Variants in LRRIQ1 observed in about 807,000 individuals in gnomAD.
LRRIQ1 encodes the protein leucine rich repeats and IQ motif containing 1, also known as leucine-rich repeat- and IQ domain-containing protein 1.
LRRIQ1 carries 210 observed loss-of-function variants against 211.9 expected under a neutral mutation model. The ratio of observed to expected loss-of-function variants is 0.99; its 90% CI spans 0.89 to 1.11. The LOEUF is 1.11. Ranked by LOEUF, LRRIQ1 falls within the 50% of genes most tolerant of loss-of-function variation. LRRIQ1 has a pLI of 0.00. For missense variants in LRRIQ1, 2,136 were observed against 1,939.5 expected (o/e 1.10, Z -1.90); for synonymous variants, 699 against 650.1 (o/e 1.08, Z -1.14).
intron 11 of LRRIQ1, among the ~76,000 whole-genome samples, chr12:85,079,816 T>C (rs1884078433): frequency 6.6e-6 from 1 of 152,158 alleles, no homozygotes; most frequent in South Asian, 2.1e-4. Flanking sequence ...ATTATTTCAT[T>C]TTTTCCTCTT....
chr12:85,144,034 G>T lies in LRRIQ1; in HGVS notation c.4329+6065G>T, dbSNP rs1465124460. ...CATCCAGGTAGTAAGCATGGTACCTGACAACTAGTTTATTGATCCTCACCT... is the reference window on the plus strand; with the variant it reads ...CATCCAGGTAGTAAGCATGGTACCTTACAACTAGTTTATTGATCCTCACCT... On this transcript the variant is annotated intron_variant, in intron 19 of 26. Transcript: ENST00000393217. 2.0e-5 allele frequency among the ~76,000 whole-genome samples: 3 copies of T among 151,598 alleles called. No individual in the cohort carries two copies. In the East Asian group the frequency reaches 5.8e-4, roughly 30 times the overall value.
rs1207802862 is a variant in LRRIQ1 at position 85,124,538 on chromosome 12, G to A, written c.4007+19G>A. The A allele has an allele frequency of 3.9e-6, 6 of 1,555,900 alleles. No homozygotes were observed. The African/African-American group carries it at 8.2e-5, about 21-fold the overall frequency. ...AAAAAATGTAAGATATATAAATAAT[G>A]TTTCTTTTATAGATGTATGTTTACT... is the stretch of plus-strand genomic sequence containing the variant. On this transcript the variant is annotated intron_variant, in intron 17 of 26. Coordinates refer to ENST00000393217, the MANE Select transcript of LRRIQ1 (RefSeq NM_001079910.2).
chr12:85,117,842 A>G (rs1887692674), intron 15 of LRRIQ1, among the ~76,000 whole-genome samples: 1 of 152,206 alleles, frequency 6.6e-6, no homozygotes. Flanking sequence ...AATCATAACT[A>G]AGTAAGTTAT....
At chr12:85,202,831 T>C (rs1211017822) in intron 24 of LRRIQ1, among the ~76,000 whole-genome samples, 2 of 152,220 alleles carry the variant, frequency 1.3e-5, no homozygotes, top group East Asian at 3.9e-4. Context: ...TTTCATGTTG[T>C]TAGCTGGTTA....
At chr12:85,179,625 A>G (rs911274406) in intron 24 of LRRIQ1, among the ~76,000 whole-genome samples, 5 of 151,998 alleles carry the variant, frequency 3.3e-5, no homozygotes, top group Non-Finnish European at 7.4e-5. Flanking sequence ...AAAATAGTTC[A>G]GTATATCCCC....
intron 24 of LRRIQ1, among the ~76,000 whole-genome samples, chr12:85,219,230 A>G (rs1894291301): frequency 6.6e-6 from 1 of 152,152 alleles, no homozygotes; most frequent in Admixed American, 6.6e-5. Context: ...TAGTGAGGAA[A>G]TACAGCCCAG....
chr12:85,108,597 A>T lies in LRRIQ1; in HGVS notation c.3377+1982A>T, dbSNP rs1193234610. On this transcript the variant is annotated intron_variant, in intron 15 of 26. Coordinates refer to ENST00000393217, the MANE Select transcript of LRRIQ1 (RefSeq NM_001079910.2). ...GTTTAAGTGAATTACCTCCCAGAAT[A>T]CTGAGAGAATTTGCATATGTCCACT... 2.6e-5 allele frequency among the ~76,000 whole-genome samples: 4 copies of T among 152,152 alleles called. No individual in the cohort carries two copies. In the East Asian group the frequency reaches 5.8e-4, roughly 22 times the overall value.
chr12:85,200,243 T>G (rs1174480034), intron 24 of LRRIQ1, among the ~76,000 whole-genome samples: 1 of 152,190 alleles, frequency 6.6e-6, no homozygotes, highest in South Asian at 2.1e-4. Flanking sequence ...TGAGTAGGAT[T>G]GCATTATTGA....
Position 85,223,567 on chromosome 12 carries a change from T to G in LRRIQ1, c.4823-5950T>G, listed in dbSNP as rs188377461. 3.4e-4 allele frequency among the ~76,000 whole-genome samples: 52 copies of G among 152,292 alleles called. No homozygotes were observed. The East Asian group carries it at 5.6e-3, about 16-fold the overall frequency. On this transcript the variant is annotated intron_variant, in intron 24 of 26. Transcript: ENST00000393217. ...TTTGTCCCTGAAATCCTCTTATATC[T>G]CATGCAGTTTATAGAATTGGGAAAT...
At position 85,055,756 on chromosome 12, in the gene LRRIQ1, G is replaced by T. The variant is rs1001338264; in HGVS notation, c.963G>T (p.Trp321Cys). 1.2e-6 allele frequency: 2 copies of T among 1,608,786 alleles called. No homozygotes were observed. Among genetic ancestry groups the T allele is most frequent in the African/African-American group, 2.7e-5 (2 of 74,604 alleles). Reference protein sequence around the residue: ...IESKKRKAQEWKEKEAKIRQK... With the variant: ...IESKKRKAQECKEKEAKIRQK... ...GTAAGAAAAGGAAAGCACAAGAGTG[G>T]AAGGAAAAGGAAGCAAAAATACGAC... Residue 321 changes from tryptophan to cysteine, a missense_variant, in exon 8 of 27, where the codon TGG (tryptophan) becomes TGT (cysteine). Coordinates refer to ENST00000393217, the MANE Select transcript of LRRIQ1 (RefSeq NM_001079910.2).
chr12:85,128,057 A>C, intron 18 of LRRIQ1, 24 bp downstream of exon 18: 3 of 1,505,666 alleles, frequency 2.0e-6, no homozygotes, highest in Non-Finnish European at 2.8e-6. Flanking sequence ...TTTTGGTAAC[A>C]TAGTTACAAA....
chr12:85,272,800 T>C, the LRRIQ1 span, among the ~76,000 whole-genome samples: 1 of 152,178 alleles, frequency 6.6e-6, no homozygotes, highest in African/African-American at 2.4e-5. Context: ...AACTGAAAGA[T>C]GATGTAATCC....
At chr12:85,067,124 T>C (rs1882523898) in intron 10 of LRRIQ1, among the ~76,000 whole-genome samples, 1 of 151,938 alleles carries the variant, frequency 6.6e-6, no homozygotes, top group Admixed American at 6.6e-5. Flanking sequence ...GTATATTTAC[T>C]TCTCTGTTTC....
rs150584367 is a variant in LRRIQ1, at chr12:85,039,401, A to G, written c.133-1089A>G. 2.0e-5 allele frequency among the ~76,000 whole-genome samples: 3 copies of G among 151,764 alleles called. No homozygotes were observed. The East Asian group carries it at 5.8e-4, about 29-fold the overall frequency. Reference sequence around the variant, plus strand: ...TACAATCCAGGTAGCTTAGAATTCTATTTCTTAGTTAAACAAGAAATAGAA... The same window carrying G: ...TACAATCCAGGTAGCTTAGAATTCTGTTTCTTAGTTAAACAAGAAATAGAA... On this transcript the variant is annotated intron_variant, in intron 2 of 26. Coordinates refer to ENST00000393217, the MANE Select transcript of LRRIQ1 (RefSeq NM_001079910.2).
chr12:85,183,365 C>A (rs1395334514), intron 24 of LRRIQ1, among the ~76,000 whole-genome samples: 1 of 151,984 alleles, frequency 6.6e-6, no homozygotes, highest in African/African-American at 2.4e-5. Flanking sequence ...AAATCCCTGA[C>A]ACTACATGCC....
chr12:85,212,366 C>T (rs755959392), intron 24 of LRRIQ1, among the ~76,000 whole-genome samples: 1 of 151,924 alleles, frequency 6.6e-6, no homozygotes, highest in Non-Finnish European at 1.5e-5. Flanking sequence ...CAGAATTACT[C>T]TAGGCAAAGA....
intron 1 of LRRIQ1, among the ~76,000 whole-genome samples, chr12:85,258,710 T>A (rs1896197317): frequency 6.6e-6 from 1 of 152,006 alleles, no homozygotes; most frequent in Admixed American, 6.6e-5. Flanking sequence ...GTCACTTTCA[T>A]TAAAATGTTT....
intron 24 of LRRIQ1, among the ~76,000 whole-genome samples, chr12:85,186,712 T>G (rs2136914863): frequency 6.6e-6 from 1 of 152,232 alleles, no homozygotes; most frequent in East Asian, 1.9e-4. Context: ...TAAATGCTCA[T>G]TTACTTTCAA....
downstream of LRRIQ1, among the ~76,000 whole-genome samples, chr12:85,264,622 A>G (rs1258275456): frequency 6.6e-6 from 1 of 152,072 alleles, no homozygotes; most frequent in Non-Finnish European, 1.5e-5. Context: ...TAAAAATTGG[A>G]TAAAACATGA....
Sources: allele counts gnomAD v4.1 joint callset (sites outside exome capture counted in the v4.1 genomes callset), GRCh38; gene constraint gnomAD v4.1.1; transcripts MANE v1.5; gene names NCBI Gene and HGNC (gene_info 2026-07-23, HGNC 2026-07-21).